Variants in CLIC5 observed in about 807,000 individuals in gnomAD.
CLIC5 encodes the protein chloride intracellular channel protein 5.
Under a neutral mutation model 24.7 loss-of-function variants are expected in CLIC5, and 20 were observed. The observed-to-expected ratio is 0.81, with a 90% CI of 0.57 to 1.18. The LOEUF (loss-of-function observed/expected upper bound fraction) is 1.18, where lower values mean the gene tolerates loss of function less well. Among genes scored for constraint, CLIC5 ranks in the 50% most tolerant of loss-of-function variants. The probability of loss-of-function intolerance (pLI) is 0.00; values close to 1 mark genes in which losing one functional copy is unlikely to be tolerated. For synonymous variants in CLIC5, 159 were observed against 135.6 expected (o/e 1.17, Z -1.20); for missense variants, 341 against 326.1 (o/e 1.05, Z -0.35).
intron 1 of CLIC5, among the ~76,000 whole-genome samples, chr6:45,968,025 C>T (rs1765074928): frequency 1.3e-5 from 2 of 152,174 alleles, no homozygotes; most frequent in African/African-American, 4.8e-5. Flanking sequence ...GAATTCCAAG[C>T]AGATCTTCTT....
intron 5 of CLIC5, among the ~76,000 whole-genome samples, chr6:45,905,509 G>T (rs935647679): frequency 1.4e-5 from 2 of 146,852 alleles, no homozygotes; most frequent in Admixed American, 6.8e-5. Context: ...ATGTTTGTTG[G>T]CCACTTATTA....
the CLIC5 span, among the ~76,000 whole-genome samples, chr6:46,126,077 C>G: frequency 6.6e-6 from 1 of 152,126 alleles, no homozygotes. Context: ...GATTAAAAAT[C>G]CCATGTCCCA....
At chr6:46,036,435 C>T (rs958332863) in intron 1 of CLIC5, among the ~76,000 whole-genome samples, 2 of 151,490 alleles carry the variant, frequency 1.3e-5, no homozygotes, top group African/African-American at 2.4e-5. Flanking sequence ...CTCAGCCTCC[C>T]GAGTAGCTGG....
chr6:46,031,544 G>T (rs1337114072), intron 1 of CLIC5, among the ~76,000 whole-genome samples: 1 of 152,036 alleles, frequency 6.6e-6, no homozygotes, highest in Non-Finnish European at 1.5e-5. Flanking sequence ...CTGCAATGTG[G>T]GTAGGAAGTG....
chr6:46,104,504 G>A, the CLIC5 span, among the ~76,000 whole-genome samples: 1 of 151,714 alleles, frequency 6.6e-6, no homozygotes, highest in Non-Finnish European at 1.5e-5. Context: ...CAACAAGAGT[G>A]TTTCGCTATC....
At chr6:46,002,347 A>G (rs1014739848) in intron 1 of CLIC5, among the ~76,000 whole-genome samples, 2 of 152,196 alleles carry the variant, frequency 1.3e-5, no homozygotes, top group Non-Finnish European at 2.9e-5. Flanking sequence ...GATTTCTCTC[A>G]AGTCAGTGGC....
intron 1 of CLIC5, among the ~76,000 whole-genome samples, chr6:46,022,504 C>T (rs1457962030): frequency 1.3e-5 from 2 of 151,074 alleles, no homozygotes; most frequent in Non-Finnish European, 3.0e-5. Context: ...TGGGTGTAGA[C>T]GAAGGGAGGT....
chr6:45,884,306 T>G (rs989555296), intron 6 of CLIC5, among the ~76,000 whole-genome samples: 3 of 152,138 alleles, frequency 2.0e-5, no homozygotes, highest in African/African-American at 7.2e-5. Flanking sequence ...TGTTTACAGG[T>G]GTTTTTATAA....
chr6:45,884,689 A>C (rs1446353206), intron 6 of CLIC5, among the ~76,000 whole-genome samples: 1 of 152,198 alleles, frequency 6.6e-6, no homozygotes, highest in African/African-American at 2.4e-5. Context: ...TTGGTGAAGC[A>C]CTGAGATTGG....
the CLIC5 span, among the ~76,000 whole-genome samples, chr6:46,093,533 T>G: frequency 6.6e-6 from 1 of 152,190 alleles, no homozygotes; most frequent in Non-Finnish European, 1.5e-5. Context: ...TTAACTCACA[T>G]GTAACAGAGG....
intron 2 of CLIC5, among the ~76,000 whole-genome samples, chr6:45,950,398 CA>C (rs34422403): frequency 1.6e-3 from 192 of 122,308 alleles, no homozygotes; most frequent in Admixed American, 2.3e-3. Context: ...CCCATCTTTA[CA>C]AAAAAAAAAA....
At chr6:46,011,724 G>A (rs1371140779) in intron 1 of CLIC5, among the ~76,000 whole-genome samples, 3 of 152,198 alleles carry the variant, frequency 2.0e-5, no homozygotes, top group African/African-American at 2.4e-5. Context: ...CACATCCTGT[G>A]TTTGTCTTTT....
At chr6:45,928,406 G>A (rs1274759591) in intron 4 of CLIC5, among the ~76,000 whole-genome samples, 2 of 152,174 alleles carry the variant, frequency 1.3e-5, no homozygotes, top group East Asian at 1.9e-4. Flanking sequence ...CTTATCCAGA[G>A]ATATTCTCCC....
chr6:46,048,005 C>CTT (rs34581798), intron 1 of CLIC5, among the ~76,000 whole-genome samples: 144 of 139,178 alleles, frequency 1.0e-3, no homozygotes, highest in East Asian at 3.8e-3. Flanking sequence ...TCCATATCTA[C>CTT]TTTTTTTTTT....
At chr6:45,947,004 G>A (rs766298359) in intron 3 of CLIC5, among the ~76,000 whole-genome samples, 11 of 152,214 alleles carry the variant, frequency 7.2e-5, no homozygotes, top group Non-Finnish European at 1.3e-4. Context: ...GGACCAGCGG[G>A]AGCAGAGCTC....
intron 1 of CLIC5, among the ~76,000 whole-genome samples, chr6:46,024,798 G>A (rs1226164034): frequency 2.0e-5 from 3 of 152,130 alleles, no homozygotes; most frequent in Non-Finnish European, 4.4e-5. Context: ...ATTAGAAGGT[G>A]GACATGAGGC....
chr6:46,102,348 G>GTTCC, the CLIC5 span, among the ~76,000 whole-genome samples: 3 of 152,190 alleles, frequency 2.0e-5, no homozygotes, highest in African/African-American at 7.2e-5. Flanking sequence ...TCTGAGCAGC[G>GTTCC]TTCCTTCCTT....
chr6:45,904,762 C>T (rs1429703674), intron 5 of CLIC5, among the ~76,000 whole-genome samples: 1 of 147,124 alleles, frequency 6.8e-6, no homozygotes, highest in Non-Finnish European at 1.5e-5. Flanking sequence ...TGGGGGGATA[C>T]AAGGGGGTAC....
upstream of CLIC5, among the ~76,000 whole-genome samples, chr6:46,082,608 T>C (rs187259334): frequency 1.2e-3 from 176 of 152,260 alleles, 1 homozygote; most frequent in African/African-American, 3.9e-3. Flanking sequence ...TATTAGACCT[T>C]TTACATTGGC....
Sources: allele counts gnomAD v4.1 joint callset (sites outside exome capture counted in the v4.1 genomes callset), GRCh38; gene constraint gnomAD v4.1.1; transcripts MANE v1.5; gene names NCBI Gene and HGNC (gene_info 2026-07-23, HGNC 2026-07-21).